Variants in GPC5 observed in about 807,000 individuals in gnomAD.
GPC5 encodes glypican 5, also known as glypican-5.
A neutral mutation model predicts 53.9 loss-of-function variants in GPC5; 47 were observed. The observed-to-expected ratio is 0.87, with a 90% CI of 0.69 to 1.11. GPC5 has a LOEUF of 1.11. Among genes scored for constraint, GPC5 ranks in the 50% most tolerant of loss-of-function variants. The pLI, the probability that GPC5 is intolerant of heterozygous loss-of-function variation, is 0.00. For synonymous variants in GPC5, 286 were observed against 263.3 expected (o/e 1.09, Z -0.84); for missense variants, 748 against 713.1 (o/e 1.05, Z -0.56).
At chr13:92,701,641 G>A (rs1887745631) in intron 7 of GPC5, 1 of 152,004 alleles carries the variant, frequency 6.6e-6, no homozygotes, top group Non-Finnish European at 1.5e-5. Flanking sequence ...TTCAATCAGT[G>A]GAATAACTGT....
chr13:92,595,363 A>G (rs927073325), intron 7 of GPC5, among the ~76,000 whole-genome samples: 1 of 152,182 alleles, frequency 6.6e-6, no homozygotes, highest in Non-Finnish European at 1.5e-5. Context: ...CAACTATATG[A>G]GCTTATTATT....
chr13:91,985,638 T>C (rs1430818928), intron 6 of GPC5, among the ~76,000 whole-genome samples: 2 of 152,214 alleles, frequency 1.3e-5, no homozygotes, highest in East Asian at 3.8e-4. Context: ...TCAATGTACC[T>C]TCTTGATTTG....
intron 6 of GPC5, among the ~76,000 whole-genome samples, chr13:92,019,057 A>G (rs1482659147): frequency 1.3e-5 from 2 of 152,048 alleles, no homozygotes; most frequent in Non-Finnish European, 2.9e-5. Context: ...ATTAAGAAAC[A>G]CATTACATTG....
At chr13:92,430,865 G>A (rs557369043) in intron 7 of GPC5, among the ~76,000 whole-genome samples, 2 of 151,940 alleles carry the variant, frequency 1.3e-5, no homozygotes, top group African/African-American at 4.8e-5. Flanking sequence ...ATAAACAAAT[G>A]TAAAGCTTTA....
At chr13:92,657,329 C>T (rs1240817532) in intron 7 of GPC5, among the ~76,000 whole-genome samples, 2 of 152,086 alleles carry the variant, frequency 1.3e-5, no homozygotes, top group Non-Finnish European at 2.9e-5. Context: ...AGAAATAAAA[C>T]TGCAACCCTT....
At chr13:92,771,591 C>T (rs1264089679) in intron 7 of GPC5, among the ~76,000 whole-genome samples, 2 of 152,116 alleles carry the variant, frequency 1.3e-5, no homozygotes. Flanking sequence ...GATCCACCTG[C>T]CTCGGCCTCC....
At chr13:92,806,426 G>A (rs1877102149) in intron 7 of GPC5, among the ~76,000 whole-genome samples, 1 of 152,020 alleles carries the variant, frequency 6.6e-6, no homozygotes, top group Non-Finnish European at 1.5e-5. Context: ...CACTGGAGTA[G>A]CACTTTCAAT....
At chr13:92,087,638 T>A (rs552962273) in intron 6 of GPC5, among the ~76,000 whole-genome samples, 2 of 152,252 alleles carry the variant, frequency 1.3e-5, no homozygotes, top group South Asian at 4.1e-4. Flanking sequence ...TGATGAGTGA[T>A]CCTTCCTCTT....
At chr13:92,201,787 G>A (rs9516020) in intron 7 of GPC5, among the ~76,000 whole-genome samples, 1 of 151,930 alleles carries the variant, frequency 6.6e-6, no homozygotes, top group South Asian at 2.1e-4. Flanking sequence ...TATTAAGATA[G>A]CATGTGAAAC....
chr13:91,539,763 C>G (rs566343059), intron 2 of GPC5, among the ~76,000 whole-genome samples: 1 of 151,906 alleles, frequency 6.6e-6, no homozygotes, highest in African/African-American at 2.4e-5. Flanking sequence ...AGATACAATC[C>G]ATAATGCATA....
At chr13:92,524,944 A>G (rs956247558) in intron 7 of GPC5, among the ~76,000 whole-genome samples, 3 of 152,264 alleles carry the variant, frequency 2.0e-5, no homozygotes, top group Non-Finnish European at 2.9e-5. Flanking sequence ...TCTTTATTTC[A>G]GTTAATGACC....
chr13:92,602,237 T>TATATATATATATATATATATATAAC, intron 7 of GPC5, among the ~76,000 whole-genome samples: 1 of 81,708 alleles, frequency 1.2e-5, no homozygotes, highest in Non-Finnish European at 2.5e-5. Context: ...ATATAACATA[T>TATATATATATATATATATATATAAC]ATATATATAT....
chr13:92,605,576 G>GTTTTTTTTTTTT (rs55887927), intron 7 of GPC5, among the ~76,000 whole-genome samples: 4 of 139,666 alleles, frequency 2.9e-5, no homozygotes, highest in African/African-American at 1.1e-4. Flanking sequence ...GTATTCACTA[G>GTTTTTTTTTTTT]TTTTTTTTTT....
chr13:92,069,815 T>G (rs1329406032), intron 6 of GPC5, among the ~76,000 whole-genome samples: 1 of 152,144 alleles, frequency 6.6e-6, no homozygotes, highest in Admixed American at 6.6e-5. Context: ...TTCAAAATAG[T>G]ACTTTCTTTT....
At chr13:92,766,475 C>A (rs1408911328) in intron 7 of GPC5, among the ~76,000 whole-genome samples, 1 of 152,156 alleles carries the variant, frequency 6.6e-6, no homozygotes, top group Admixed American at 6.6e-5. Flanking sequence ...CACCAATATC[C>A]TTCATGAGTT....
At chr13:91,522,517 A>G (rs1237425330) in intron 2 of GPC5, among the ~76,000 whole-genome samples, 4 of 152,106 alleles carry the variant, frequency 2.6e-5, no homozygotes, top group Non-Finnish European at 5.9e-5. Context: ...CACATAATTT[A>G]CTGAATTTTT....
At chr13:92,451,458 C>G (rs1878057973) in intron 7 of GPC5, among the ~76,000 whole-genome samples, 1 of 151,626 alleles carries the variant, frequency 6.6e-6, no homozygotes, top group African/African-American at 2.4e-5. Context: ...GTAAAAAGTA[C>G]TATATTAGCT....
At chr13:91,974,564 G>T (rs1203012361) in intron 6 of GPC5, among the ~76,000 whole-genome samples, 5 of 152,034 alleles carry the variant, frequency 3.3e-5, no homozygotes, top group Non-Finnish European at 5.9e-5. Context: ...ACTTACAAGG[G>T]ATGTGAAGGA....
chr13:92,077,098 G>T lies in GPC5; in HGVS notation c.1402-67732G>T, dbSNP rs1475649505. 2.0e-5 allele frequency among the ~76,000 whole-genome samples: 3 copies of T among 152,048 alleles called. No homozygotes were observed. The South Asian group carries it at 6.2e-4, about 32-fold the overall frequency. ...GCCTGAAAGCCCCACCCCCTGCTTT[G>T]AATTGCCCCGCCTTTCTGAACCAAA... On this transcript the variant is annotated intron_variant, in intron 6 of 7. Transcript: ENST00000377067.
Sources: gnomAD v4.1 joint callset for allele counts (sites outside exome capture counted in the v4.1 genomes callset) on GRCh38, gnomAD v4.1.1 for gene constraint, MANE v1.5 for transcripts, NCBI Gene and HGNC (gene_info 2026-07-23, HGNC 2026-07-21) for gene names.